Variants in SPAG16 observed in about 807,000 individuals in gnomAD.
SPAG16 encodes the protein sperm-associated antigen 16 protein.
A neutral mutation model predicts 80.4 loss-of-function variants in SPAG16; 86 were observed. That is an observed-to-expected ratio of 1.07 (90% CI 0.90 to 1.28). SPAG16 has a LOEUF of 1.28. Among genes scored for constraint, SPAG16 ranks in the 50% most tolerant of loss-of-function variants. The probability of loss-of-function intolerance (pLI) is 0.00; values close to 1 mark genes in which losing one functional copy is unlikely to be tolerated. For synonymous variants in SPAG16, 294 were observed against 265.9 expected (o/e 1.11, Z -1.03); for missense variants, 870 against 765.3 (o/e 1.14, Z -1.61).
At chr2:213,934,940 T>C (rs534773678) in intron 12 of SPAG16, among the ~76,000 whole-genome samples, 19 of 152,292 alleles carry the variant, frequency 1.2e-4, no homozygotes, top group East Asian at 9.7e-4. Context: ...CGGTGGCTCA[T>C]GCCTGTAATC....
intron 9 of SPAG16, among the ~76,000 whole-genome samples, chr2:213,465,961 C>A (rs1223115769): frequency 2.6e-5 from 4 of 152,206 alleles, no homozygotes; most frequent in Non-Finnish European, 5.9e-5. Context: ...CTGGGAAAGG[C>A]AGACCCACCC....
chr2:213,962,328 G>GAGT (rs1559634076), intron 12 of SPAG16, among the ~76,000 whole-genome samples: 1 of 127,250 alleles, frequency 7.9e-6, no homozygotes, highest in Non-Finnish European at 1.8e-5. Flanking sequence ...GAGTAGCTGG[G>GAGT]ACTACAGGCG....
chr2:213,379,548 C>A (rs2067057048), intron 9 of SPAG16, among the ~76,000 whole-genome samples: 2 of 152,122 alleles, frequency 1.3e-5, no homozygotes. Flanking sequence ...TAAGGCATTC[C>A]GTGAGTCCAC....
intron 10 of SPAG16, among the ~76,000 whole-genome samples, chr2:213,814,927 A>C (rs941210399): frequency 5.9e-5 from 9 of 151,954 alleles, no homozygotes; most frequent in East Asian, 1.9e-4. Context: ...AAACCAATAG[A>C]ACTGAAAGGA....
intron 10 of SPAG16, among the ~76,000 whole-genome samples, chr2:213,622,437 C>G (rs2061820778): frequency 6.6e-6 from 1 of 152,198 alleles, no homozygotes. Context: ...GCTGTATAAA[C>G]TCCTAGTTTT....
At chr2:213,661,052 G>A (rs969926264) in intron 10 of SPAG16, among the ~76,000 whole-genome samples, 16 of 152,164 alleles carry the variant, frequency 1.1e-4, no homozygotes, top group African/African-American at 3.9e-4. Flanking sequence ...ACTGCCTGGT[G>A]TTGGGTCTGG....
At chr2:213,997,762 CATA>C (rs1176579982) in intron 12 of SPAG16, among the ~76,000 whole-genome samples, 1 of 152,098 alleles carries the variant, frequency 6.6e-6, no homozygotes, top group Admixed American at 6.5e-5. Flanking sequence ...TTGCCAGTCT[CATA>C]ATGTTTTAAA....
At chr2:214,268,526 T>A (rs1221624720) in intron 15 of SPAG16, among the ~76,000 whole-genome samples, 1 of 151,944 alleles carries the variant, frequency 6.6e-6, no homozygotes, top group Non-Finnish European at 1.5e-5. Flanking sequence ...GGACATTGTC[T>A]TAAGTGAAAT....
intron 4 of SPAG16, among the ~76,000 whole-genome samples, chr2:213,316,521 A>G (rs1455210831): frequency 2.0e-5 from 3 of 152,158 alleles, no homozygotes; most frequent in African/African-American, 7.2e-5. Context: ...CTTCTGATTC[A>G]GAGTAAAATT....
intron 10 of SPAG16, among the ~76,000 whole-genome samples, chr2:213,501,218 T>C (rs1184480452): frequency 6.6e-6 from 1 of 152,222 alleles, no homozygotes; most frequent in Non-Finnish European, 1.5e-5. Flanking sequence ...ACAAGTTTTA[T>C]AACTTTCATT....
intron 13 of SPAG16, among the ~76,000 whole-genome samples, chr2:214,039,123 C>T (rs1263798553): frequency 1.3e-5 from 2 of 152,180 alleles, no homozygotes; most frequent in African/African-American, 2.4e-5. Context: ...GCCACACTGA[C>T]TTCCACAATG....
intron 9 of SPAG16, among the ~76,000 whole-genome samples, chr2:213,469,744 G>A (rs759687683): frequency 3.9e-5 from 6 of 151,960 alleles, no homozygotes; most frequent in Non-Finnish European, 8.8e-5. Context: ...TATATTCCAC[G>A]TATACTGTTC....
At chr2:214,264,613 G>C (rs1691419536) in intron 15 of SPAG16, among the ~76,000 whole-genome samples, 1 of 152,022 alleles carries the variant, frequency 6.6e-6, no homozygotes, top group Admixed American at 6.6e-5. Context: ...AACTGATGAA[G>C]TAATATTGAT....
At chr2:213,656,234 C>T (rs757275368) in intron 10 of SPAG16, among the ~76,000 whole-genome samples, 2 of 152,222 alleles carry the variant, frequency 1.3e-5, no homozygotes, top group Non-Finnish European at 2.9e-5. Context: ...CTCGCTCTGT[C>T]GCCCAGGCGA....
chr2:213,525,411 C>T (rs2075853322), intron 10 of SPAG16, among the ~76,000 whole-genome samples: 1 of 150,964 alleles, frequency 6.6e-6, no homozygotes, highest in African/African-American at 2.4e-5. Context: ...GCCTCAGCCT[C>T]CCAAGTAGCT....
chr2:214,338,641 C>T (rs1697462442), intron 15 of SPAG16, among the ~76,000 whole-genome samples: 1 of 152,192 alleles, frequency 6.6e-6, no homozygotes, highest in Admixed American at 6.5e-5. Context: ...ATCAACATAG[C>T]TTCTAAATAA....
At chr2:213,412,641 T>A (rs1305315265) in intron 9 of SPAG16, among the ~76,000 whole-genome samples, 1 of 152,116 alleles carries the variant, frequency 6.6e-6, no homozygotes, top group East Asian at 1.9e-4. Context: ...TTTGTTTGTT[T>A]GGCTTTTCAC....
intron 15 of SPAG16, among the ~76,000 whole-genome samples, chr2:214,363,901 T>C (rs1559244736): frequency 6.6e-6 from 1 of 152,114 alleles, no homozygotes; most frequent in African/African-American, 2.4e-5. Flanking sequence ...GGAATGTCTT[T>C]TGAGAAGTCC....
At chr2:214,169,021 T>G (rs2056776009) in intron 15 of SPAG16, among the ~76,000 whole-genome samples, 1 of 152,164 alleles carries the variant, frequency 6.6e-6, no homozygotes. Flanking sequence ...TCATTATGAT[T>G]GTGTATGATA....
Sources: allele counts gnomAD v4.1 joint callset (sites outside exome capture counted in the v4.1 genomes callset), GRCh38; gene constraint gnomAD v4.1.1; transcripts MANE v1.5; gene names NCBI Gene and HGNC (gene_info 2026-07-23, HGNC 2026-07-21).